Variants in ANO10 observed in about 807,000 individuals in gnomAD.
ANO10 encodes the protein anoctamin 10.
In ANO10, 77 loss-of-function variants were observed where a neutral mutation model predicts 74.7. The ratio of observed to expected loss-of-function variants is 1.03; its 90% CI spans 0.86 to 1.25. The LOEUF (loss-of-function observed/expected upper bound fraction) is 1.25. Ranked by LOEUF, ANO10 falls within the 50% of genes most tolerant of loss-of-function variation. The probability of loss-of-function intolerance (pLI) is 0.00; values close to 1 mark genes in which losing one functional copy is unlikely to be tolerated. For synonymous variants in ANO10, 279 were observed against 284.9 expected, an observed-to-expected ratio of 0.98 and a Z score of 0.21; for missense variants, 721 against 778.1, an observed-to-expected ratio of 0.93 and a Z score of 0.87.
At chr3:43,572,245 C>G (rs1156968013) in intron 7 of ANO10, among the ~76,000 whole-genome samples, 1 of 152,180 alleles carries the variant, frequency 6.6e-6, no homozygotes, top group Non-Finnish European at 1.5e-5. Flanking sequence ...GACCCCCCCA[C>G]CAACAATAAG....
intron 11 of ANO10, among the ~76,000 whole-genome samples, chr3:43,475,180 T>C (rs1448755043): frequency 6.6e-6 from 1 of 152,212 alleles, no homozygotes; most frequent in South Asian, 2.1e-4. Context: ...TTTATGTTTA[T>C]AGTGGCAAGA....
chr3:43,656,710 G>A (rs1044925393), intron 1 of ANO10, among the ~76,000 whole-genome samples: 1 of 152,226 alleles, frequency 6.6e-6, no homozygotes, highest in Non-Finnish European at 1.5e-5. Context: ...GGGCCGGCCG[G>A]CTGCTCTGAG....
intron 12 of ANO10, among the ~76,000 whole-genome samples, chr3:43,381,691 A>C (rs2091963120): frequency 1.3e-5 from 2 of 152,218 alleles, no homozygotes; most frequent in South Asian, 4.1e-4. Flanking sequence ...GAAACAACAG[A>C]CTTAAACTAT....
chr3:43,538,759 T>A (rs1387857742), intron 11 of ANO10, among the ~76,000 whole-genome samples: 4 of 152,164 alleles, frequency 2.6e-5, no homozygotes, highest in Non-Finnish European at 5.9e-5. Flanking sequence ...AACGGCCTGC[T>A]GTCTACACAC....
intron 12 of ANO10, among the ~76,000 whole-genome samples, chr3:43,391,512 A>G (rs978028933): frequency 2.6e-5 from 4 of 152,178 alleles, no homozygotes; most frequent in Non-Finnish European, 5.9e-5. Context: ...GCCTCCTGGG[A>G]TTCACTCCTT....
At chr3:43,469,869 C>T (rs551736510) in intron 11 of ANO10, among the ~76,000 whole-genome samples, 62 of 152,266 alleles carry the variant, frequency 4.1e-4, no homozygotes, top group African/African-American at 1.3e-3. Flanking sequence ...GGAAGCTCCA[C>T]GAGGCAAGGA....
chr3:43,508,234 T>C (rs2077369841), intron 11 of ANO10, among the ~76,000 whole-genome samples: 1 of 152,156 alleles, frequency 6.6e-6, no homozygotes, highest in Non-Finnish European at 1.5e-5. Flanking sequence ...TCAAAGCTTA[T>C]GTGAAGCTAC....
chr3:43,609,322 T>C lies in ANO10; in HGVS notation c.-11-3459A>G, dbSNP rs1020094504. Among the ~76,000 whole-genome samples the C allele has an allele frequency of 3.3e-5, 5 of 152,306 alleles. No individual in the cohort carries two copies. The East Asian group carries it at 9.6e-4, about 29-fold the overall frequency. ...ACTCTGTTGAAGATGAGCTAAACAG[T>C]TCAAGATAAAATGACAAAGTGAAAC... On this transcript the variant is annotated intron_variant, in intron 1 of 12. Coordinates refer to ENST00000292246, the MANE Select transcript of ANO10 (RefSeq NM_018075.5).
rs142829284 is a variant in ANO10 at position 43,656,523 on chromosome 3, G to A, written c.-12+34994C>T. Among the ~76,000 whole-genome samples, 359 of 152,340 alleles carry A rather than the reference G, an allele frequency of 2.4e-3. 5 individuals are homozygous for A. Among genetic ancestry groups the A allele is most frequent in the African/African-American group, 7.9e-3 (329 of 41,576 alleles). ...TCGGGCCGCACAGGAGCCCATGGAG[G>A]GGGTGGGAGGCTCAGGCATGGCGGG... On this transcript the variant is annotated intron_variant, in intron 1 of 3. Transcript: ENST00000413397.
intron 4 of ANO10, among the ~76,000 whole-genome samples, chr3:43,596,714 C>A (rs553671842): frequency 1.3e-3 from 192 of 152,128 alleles, no homozygotes; most frequent in African/African-American, 4.3e-3. Context: ...CAAGGACTTC[C>A]TGTCTAAAAC....
chr3:43,441,674 T>C (rs1464121324), intron 11 of ANO10, among the ~76,000 whole-genome samples: 1 of 152,050 alleles, frequency 6.6e-6, no homozygotes, highest in African/African-American at 2.4e-5. Flanking sequence ...TCAATATCAC[T>C]GTGATACCAA....
At chr3:43,658,232 T>C (rs1174560056) in intron 1 of ANO10, among the ~76,000 whole-genome samples, 2 of 152,140 alleles carry the variant, frequency 1.3e-5, no homozygotes, top group East Asian at 1.9e-4. Flanking sequence ...TTAAGGGCCA[T>C]TGAAATGGAT....
In ANO10 at chr3:43,414,071, C is replaced by T. The variant is rs147625153; in HGVS notation, c.1914+18540G>A. Among the ~76,000 whole-genome samples, 104 of 151,958 alleles carry T rather than the reference C, an allele frequency of 6.8e-4. 2 individuals carry two copies. Among genetic ancestry groups the T allele is most frequent in the African/African-American group, 2.1e-3 (86 of 41,450 alleles). ...TTTGAAGATTGGAAGATAGAACCAC[C>T]AGAATAAAGAAAGGATGCATGAGCA... On this transcript the variant is annotated intron_variant, in intron 12 of 12. Transcript: ENST00000292246.
intron 9 of ANO10, among the ~76,000 whole-genome samples, chr3:43,559,337 G>A (rs986121670): frequency 5.3e-5 from 8 of 152,180 alleles, no homozygotes; most frequent in African/African-American, 1.9e-4. Flanking sequence ...ATTATGAATC[G>A]TGTTTTGGGT....
chr3:43,671,625 T>C (rs1041452058), intron 1 of ANO10, among the ~76,000 whole-genome samples: 2 of 152,060 alleles, frequency 1.3e-5, no homozygotes, highest in African/African-American at 2.4e-5. Flanking sequence ...ACTACAGGTG[T>C]TATCATGATA....
intron 12 of ANO10, among the ~76,000 whole-genome samples, chr3:43,371,467 A>G (rs2091609997): frequency 6.6e-6 from 1 of 152,124 alleles, no homozygotes; most frequent in Admixed American, 6.5e-5. Context: ...TCCCCGACCC[A>G]AAGTCTGATT....
Position 43,665,056 on chromosome 3 carries a change from C to T in ANO10, c.-12+26461G>A, listed in dbSNP as rs186633004. Reference sequence around the variant, plus strand: ...ACCCAAAGGATTACAAATCATTCTACGATAAAGACACATGCACATGTATGT... The same window carrying T: ...ACCCAAAGGATTACAAATCATTCTATGATAAAGACACATGCACATGTATGT... On this transcript the variant is annotated intron_variant, in intron 1 of 3. Coordinates refer to the ANO10 transcript ENST00000413397. 2.4e-4 allele frequency among the ~76,000 whole-genome samples: 37 copies of T among 152,212 alleles called. No individual in the cohort carries two copies. The East Asian group carries it at 5.8e-3, about 24-fold the overall frequency.
intron 1 of ANO10, among the ~76,000 whole-genome samples, chr3:43,688,055 T>C (rs772978440): frequency 3.3e-5 from 5 of 152,206 alleles, no homozygotes; most frequent in Non-Finnish European, 7.4e-5. Context: ...AGAACAGAGC[T>C]ACTCCCAGAG....
At chr3:43,506,880 T>C (rs1027364701) in intron 11 of ANO10, among the ~76,000 whole-genome samples, 1 of 152,186 alleles carries the variant, frequency 6.6e-6, no homozygotes, top group Non-Finnish European at 1.5e-5. Flanking sequence ...TGAGTGGTTA[T>C]TACTGATTAA....
Sources: allele counts gnomAD v4.1 joint callset (sites outside exome capture counted in the v4.1 genomes callset), GRCh38; gene constraint gnomAD v4.1.1; transcripts MANE v1.5; gene names NCBI Gene and HGNC (gene_info 2026-07-23, HGNC 2026-07-21).